IGF1R: variants seen among roughly 807,000 people sequenced by gnomAD.
IGF1R encodes the protein insulin like growth factor 1 receptor.
Under a neutral mutation model 144.6 loss-of-function variants are expected in IGF1R, and 44 were observed. The observed-to-expected ratio is 0.30, with a 90% CI of 0.24 to 0.39. The LOEUF (loss-of-function observed/expected upper bound fraction) is 0.39, where lower values mean the gene tolerates loss of function less well. Ranked by LOEUF, IGF1R falls within the 10% of genes least tolerant of loss-of-function variation. The probability of loss-of-function intolerance (pLI) is 1.00; values close to 1 mark genes in which losing one functional copy is unlikely to be tolerated. For synonymous variants in IGF1R, 795 were observed against 722.8 expected, an observed-to-expected ratio of 1.10 and a Z score of -1.60; for missense variants, 1,355 against 1,833.7, an observed-to-expected ratio of 0.74 and a Z score of 4.77.
intron 2 of IGF1R, among the ~76,000 whole-genome samples, chr15:98,722,809 A>C (rs1366024749): frequency 6.6e-6 from 1 of 152,164 alleles, no homozygotes; most frequent in East Asian, 1.9e-4. Flanking sequence ...GTCTGTGGGC[A>C]TGCAGTGGGT....
chr15:98,907,514 C>T (rs2014791292), intron 5 of IGF1R, among the ~76,000 whole-genome samples: 1 of 152,154 alleles, frequency 6.6e-6, no homozygotes, highest in Non-Finnish European at 1.5e-5. Flanking sequence ...GCACTGATTC[C>T]CAAACTTAGT....
intron 1 of IGF1R, among the ~76,000 whole-genome samples, chr15:98,668,935 G>A (rs1254362219): frequency 1.3e-5 from 2 of 152,216 alleles, no homozygotes; most frequent in East Asian, 1.9e-4. Context: ...AAATCCAGGA[G>A]GCTGGGAAGG....
intron 1 of IGF1R, among the ~76,000 whole-genome samples, chr15:98,687,908 C>T (rs1285907403): frequency 6.6e-6 from 1 of 152,216 alleles, no homozygotes; most frequent in East Asian, 1.9e-4. Context: ...GGAAGCAGGG[C>T]TCCTCATGAT....
In IGF1R at chr15:98,922,168, A is replaced by G; in HGVS notation, c.2222A>G (p.Asp741Gly). ...TGCAGACCTGAAAGGAAGCGGAGAGATGTCATGCAAGTGGCCAACACCACC... is the reference window on the plus strand; with the variant it reads ...TGCAGACCTGAAAGGAAGCGGAGAGGTGTCATGCAAGTGGCCAACACCACC... ...FVPRPERKRR[D>G]VMQVANTTMS... Residue 741 changes from aspartate to glycine, a missense_variant, in exon 11 of 21, where the codon GAT (aspartate) becomes GGT (glycine). Asp to Gly is a moderately conservative substitution (Grantham distance 94, BLOSUM62 -1). Coordinates refer to ENST00000650285, the MANE Select transcript of IGF1R (RefSeq NM_000875.5). 6.2e-7 allele frequency: 1 copy of G among 1,614,232 alleles called. No homozygotes were observed. Among genetic ancestry groups the G allele is most frequent in the Non-Finnish European group, 8.5e-7 (1 of 1,180,042 alleles).
intron 2 of IGF1R, among the ~76,000 whole-genome samples, chr15:98,779,154 A>G (rs916815832): frequency 6.6e-5 from 10 of 152,234 alleles, no homozygotes; most frequent in African/African-American, 1.4e-4. Flanking sequence ...TTCCAGAACA[A>G]TGTATTCAAG....
chr15:98,744,226 C>T (rs2054812545), intron 2 of IGF1R, among the ~76,000 whole-genome samples: 2 of 151,934 alleles, frequency 1.3e-5, no homozygotes, highest in Admixed American at 6.6e-5. Flanking sequence ...TAAAGGGACC[C>T]AGGTGGCTCC....
chr15:98,713,298 G>A (rs1242309788), intron 2 of IGF1R, among the ~76,000 whole-genome samples: 2 of 152,132 alleles, frequency 1.3e-5, no homozygotes, highest in African/African-American at 4.8e-5. Flanking sequence ...CTTAGTGAAG[G>A]ATTTATTGTT....
intron 2 of IGF1R, among the ~76,000 whole-genome samples, chr15:98,778,365 G>T (rs1016369053): frequency 3.3e-5 from 5 of 152,174 alleles, no homozygotes; most frequent in African/African-American, 1.2e-4. Flanking sequence ...CACAATCCTT[G>T]ACACTAAGCT....
At chr15:98,752,310 C>G (rs1275251534) in intron 2 of IGF1R, among the ~76,000 whole-genome samples, 1 of 152,246 alleles carries the variant, frequency 6.6e-6, no homozygotes, top group Non-Finnish European at 1.5e-5. Flanking sequence ...TGTGGCCATC[C>G]TGGATAATGG....
intron 1 of IGF1R, among the ~76,000 whole-genome samples, chr15:98,698,613 G>A (rs1378633505): frequency 6.6e-6 from 1 of 152,246 alleles, no homozygotes; most frequent in Non-Finnish European, 1.5e-5. Context: ...GTTGTTGCAT[G>A]TGAGAGGATT....
At chr15:98,945,127 C>A (rs1385757179) in intron 19 of IGF1R, among the ~76,000 whole-genome samples, 1 of 152,244 alleles carries the variant, frequency 6.6e-6, no homozygotes, top group Non-Finnish European at 1.5e-5. Flanking sequence ...ATGGAGGAAA[C>A]CAGACGAAGG....
At chr15:98,920,509 G>C (rs894834289) in intron 10 of IGF1R, among the ~76,000 whole-genome samples, 4 of 152,216 alleles carry the variant, frequency 2.6e-5, no homozygotes, top group African/African-American at 9.6e-5. Context: ...AGTGTATGTT[G>C]TGTTGGTTTT....
At chr15:98,708,146 C>G (rs770758819) in intron 2 of IGF1R, 39 bp downstream of exon 2, 6 of 1,537,222 alleles carry the variant, frequency 3.9e-6, no homozygotes, top group Non-Finnish European at 2.7e-6. Flanking sequence ...CTCTGCCTCT[C>G]TCTCTCCTCT....
chr15:98,737,426 T>C (rs2054636786), intron 2 of IGF1R, among the ~76,000 whole-genome samples: 2 of 152,172 alleles, frequency 1.3e-5, no homozygotes, highest in African/African-American at 4.8e-5. Flanking sequence ...ATGACTTGCC[T>C]CTGGCCTGAG....
At chr15:98,762,696 C>G (rs888154888) in intron 2 of IGF1R, among the ~76,000 whole-genome samples, 5 of 151,868 alleles carry the variant, frequency 3.3e-5, no homozygotes, top group Non-Finnish European at 7.4e-5. Flanking sequence ...TCATTATGCT[C>G]CAGCCTGGGC....
chr15:98,954,015 A>C (rs929310202), intron 20 of IGF1R: 7 of 152,186 alleles, frequency 4.6e-5, no homozygotes, highest in Admixed American at 2.0e-4. Context: ...AGGGAGAGAC[A>C]CATTCAGCCC....
At chr15:98,853,602 T>C (rs1354224561) in intron 2 of IGF1R, among the ~76,000 whole-genome samples, 1 of 152,262 alleles carries the variant, frequency 6.6e-6, no homozygotes, top group African/African-American at 2.4e-5. Flanking sequence ...TGAAAAGCCT[T>C]TTCAGCATAA....
rs116923657 is a variant in IGF1R, at chr15:98,764,859, T to C, written c.640+56752T>C. Among the ~76,000 whole-genome samples, 187 of 152,302 alleles carry C rather than the reference T, an allele frequency of 1.2e-3. 5 individuals carry two copies. In the East Asian group the frequency reaches 0.031, roughly 25 times the overall value. On this transcript the variant is annotated intron_variant, in intron 2 of 20. Coordinates refer to ENST00000650285, the MANE Select transcript of IGF1R (RefSeq NM_000875.5). ...GTCCATTTAAAGGTGAACAACTCAGTGACATCTAGTATATTCATACTGTTG... is the reference window on the plus strand; with the variant it reads ...GTCCATTTAAAGGTGAACAACTCAGCGACATCTAGTATATTCATACTGTTG...
intron 1 of IGF1R, among the ~76,000 whole-genome samples, chr15:98,672,999 A>G (rs2052937390): frequency 6.6e-6 from 1 of 151,816 alleles, no homozygotes; most frequent in Non-Finnish European, 1.5e-5. Context: ...TTTTTATTTT[A>G]TTTTACTTTT....
Sources: allele counts gnomAD v4.1 joint callset (sites outside exome capture counted in the v4.1 genomes callset), GRCh38; gene constraint gnomAD v4.1.1; transcripts MANE v1.5; gene names NCBI Gene and HGNC (gene_info 2026-07-23, HGNC 2026-07-21).